Variants in LRRC74B observed in about 807,000 individuals in gnomAD.
LRRC74B encodes leucine rich repeat containing 74B, also known as leucine-rich repeat-containing protein 74B.
A neutral mutation model predicts 16.6 loss-of-function variants in LRRC74B; 30 were observed. The observed-to-expected ratio is 1.80, with a 90% CI of 1.35 to 2.45. LRRC74B has a LOEUF of 2.45. Ranked by LOEUF, LRRC74B falls within the 30% of genes most tolerant of loss-of-function variation. LRRC74B has a pLI of 0.00. For synonymous variants in LRRC74B, 134 were observed against 86.0 expected, an observed-to-expected ratio of 1.56 and a Z score of -3.09; for missense variants, 326 against 202.4, an observed-to-expected ratio of 1.61 and a Z score of -3.71.
At chr22:21,046,230 CCT>C (rs1929419328) in intron 1 of LRRC74B, 105 bp downstream of exon 1, 1 of 634,510 alleles carries the variant, frequency 1.6e-6, no homozygotes, top group African/African-American at 1.8e-5. Context: ...AACGTACCCG[CCT>C]GCGGGGCGCC....
chr22:21,054,734 G>A (rs1930353485), intron 6 of LRRC74B, among the ~76,000 whole-genome samples: 1 of 152,248 alleles, frequency 6.6e-6, no homozygotes, highest in Non-Finnish European at 1.5e-5. Flanking sequence ...GGGAACGGCA[G>A]GAGGAGGAGA....
At chr22:21,052,553 A>G (rs183993271) in intron 5 of LRRC74B, among the ~76,000 whole-genome samples, 195 bp downstream of exon 5, 5 of 152,208 alleles carry the variant, frequency 3.3e-5, no homozygotes, top group Non-Finnish European at 5.9e-5. Flanking sequence ...TCACCGTCAC[A>G]TACTTTCCTG....
At chr22:21,051,122 G>A (rs181338196) in intron 4 of LRRC74B, among the ~76,000 whole-genome samples, 143 of 152,126 alleles carry the variant, frequency 9.4e-4, no homozygotes, top group African/African-American at 3.2e-3. Flanking sequence ...ACTGCACTCC[G>A]GGTTGGGCAA....
chr22:21,046,861 G>T (rs767216605), intron 1 of LRRC74B, among the ~76,000 whole-genome samples: 1 of 152,008 alleles, frequency 6.6e-6, no homozygotes, highest in African/African-American at 2.4e-5. Context: ...GGAGGCCCAG[G>T]CAGGCAGATC....
chr22:21,061,049 C>G (rs939892787), downstream of LRRC74B, among the ~76,000 whole-genome samples: 1 of 152,120 alleles, frequency 6.6e-6, no homozygotes, highest in Non-Finnish European at 1.5e-5. Flanking sequence ...CTCATGGGGC[C>G]GGACGCGGTG....
chr22:21,056,596 G>GCA (rs747195504), intron 7 of LRRC74B: 12,234 of 139,996 alleles, frequency 0.087, 594 homozygotes, highest in Non-Finnish European at 0.11. Flanking sequence ...CAAGCTTGGA[G>GCA]CACACACACA....
At chr22:21,052,141 T>A (rs1601814091) in intron 4 of LRRC74B, 108 bp from the exon 5 acceptor site, 1 of 682,546 alleles carries the variant, frequency 1.5e-6, no homozygotes, top group East Asian at 2.7e-5. Context: ...TAGTTTCATG[T>A]CTGTGACCCT....
Position 21,047,343 on chromosome 22 carries a change from T to C in LRRC74B, c.140-13T>C. The stretch of plus-strand genomic sequence containing the variant: ...TGTGCAGGGTCCACATTCGTCCCCC[T>C]GTCTCCTGCCAGGCACCGATGGGCT... On this transcript the variant is annotated splice_polypyrimidine_tract_variant and intron_variant, in intron 1 of 8. Coordinates refer to ENST00000442047, the Ensembl canonical transcript of LRRC74B. The C allele has an allele frequency of 2.8e-6, 2 of 716,626 alleles. No homozygotes were observed. The highest frequency in any genetic ancestry group is 5.2e-6 in the Non-Finnish European group (2 of 384,756). 44.4% of individuals were successfully genotyped at this position (716,626 alleles called of 1,614,324 possible). A position where few individuals can be genotyped will look rare whatever the true frequency, so the allele number is the denominator to read the frequency against.
exon 4 of LRRC74B, chr22:21,048,954 T>G: frequency 1.4e-6 from 1 of 716,198 alleles, no homozygotes. Context: ...CCCCCAGATG[T>G]GGACCTGTCG....
In LRRC74B at chr22:21,052,178, G is replaced by A. The variant is rs537105633; in HGVS notation, c.623-71G>A. The A allele has an allele frequency of 9.8e-5, 69 of 707,162 alleles. 2 individuals carry two copies. Among genetic ancestry groups the A allele is most frequent in the South Asian group, 8.3e-4 (56 of 67,178 alleles). The allele number at this position is 707,162 out of a possible 1,614,324, so 43.8% of individuals were successfully genotyped here. On this transcript the variant is annotated intron_variant, in intron 4 of 8. Transcript: ENST00000442047. ...CTGCCCAGCAGAGGCTCGGCACGCA[G>A]TGGGCATCAGTGTGATCTTTTGAAG... is the stretch of plus-strand genomic sequence containing the variant.
chr22:21,053,449 C>A (rs769860566), exon 6 of LRRC74B: 4 of 717,310 alleles, frequency 5.6e-6, no homozygotes, highest in South Asian at 4.4e-5. Context: ...TGAAGGCCAA[C>A]AACGTGTTGG....
intron 4 of LRRC74B, among the ~76,000 whole-genome samples, chr22:21,051,890 C>T (rs1462287326): frequency 6.6e-6 from 1 of 152,134 alleles, no homozygotes; most frequent in African/African-American, 2.4e-5. Context: ...CCACAGGTGC[C>T]CCTGCCATTT....
downstream of LRRC74B, chr22:21,062,212 T>G (rs1037326659): frequency 1.6e-4 from 25 of 152,182 alleles, no homozygotes; most frequent in African/African-American, 2.6e-4. Flanking sequence ...GAAATGGAAG[T>G]ATTGGAGGTT....
Position 21,047,408 on chromosome 22 carries a change from C to A in LRRC74B, c.192C>A (p.Cys64Ter). 1.4e-6 allele frequency: 1 copy of A among 717,524 alleles called. No individual in the cohort carries two copies. The highest frequency in any genetic ancestry group is 1.7e-5 in the African/African-American group (1 of 57,384). 44.4% of individuals were successfully genotyped at this position (717,524 alleles called of 1,614,324 possible). Residue 64 changes from cysteine (C) to a stop codon, truncating the protein, a stop_gained, in exon 2 of 9, where the codon TGC becomes TGA. Transcript: ENST00000442047. LOFTEE classifies it high-confidence loss of function. ...GGGACACACTGTACCTGAGGTCTTGCCGGGCCCATAGTGTTGTGCCCATCT... is the reference window on the plus strand; with the variant it reads ...GGGACACACTGTACCTGAGGTCTTGACGGGCCCATAGTGTTGTGCCCATCT...
exon 3 of LRRC74B, chr22:21,047,951 A>G: frequency 2.8e-6 from 2 of 717,324 alleles, no homozygotes; most frequent in Non-Finnish European, 5.2e-6. Context: ...CTTCGAGACA[A>G]TGGGCTCTGT....
Position 21,053,340 on chromosome 22 carries a change from T to C in LRRC74B, c.733-20T>C, listed in dbSNP as rs1930219352. 1 of 715,520 alleles carries C rather than the reference T, an allele frequency of 1.4e-6. No individual in the cohort carries two copies. The highest frequency in any genetic ancestry group is 2.7e-5 in the East Asian group (1 of 37,264). 44.3% of individuals were successfully genotyped at this position (715,520 alleles called of 1,614,324 possible). On this transcript the variant is annotated intron_variant, in intron 5 of 8. Transcript: ENST00000442047. ...CCACTGTCAGATGGGGTCCCATGAC[T>C]TCACTCTTTGGTATTCTAGGCAAAC...
At chr22:21,051,579 G>A (rs904974868) in intron 4 of LRRC74B, among the ~76,000 whole-genome samples, 4 of 151,508 alleles carry the variant, frequency 2.6e-5, no homozygotes, top group Non-Finnish European at 5.9e-5. Flanking sequence ...CCAGCCTCTT[G>A]CCTCTGCCCC....
At chr22:21,052,729 C>T (rs928107697) in intron 5 of LRRC74B, among the ~76,000 whole-genome samples, 2 of 152,168 alleles carry the variant, frequency 1.3e-5, no homozygotes, top group Admixed American at 6.5e-5. Context: ...CTCTCAAACA[C>T]CCACCTGTTC....
At chr22:21,060,577 G>C (rs1190834941), downstream of LRRC74B, 1 of 672,612 alleles carries the variant, frequency 1.5e-6, no homozygotes, top group Non-Finnish European at 2.8e-6. Context: ...TGACCTCCAG[G>C]GTGAGGAGCT....
Sources: allele counts gnomAD v4.1 joint callset (sites outside exome capture counted in the v4.1 genomes callset), GRCh38; gene constraint gnomAD v4.1.1; transcripts MANE v1.5; gene names NCBI Gene and HGNC (gene_info 2026-07-23, HGNC 2026-07-21).